Variants in ZNF804B observed in about 807,000 individuals in gnomAD.
ZNF804B encodes zinc finger 804B.
Under a neutral mutation model 101.4 loss-of-function variants are expected in ZNF804B, and 80 were observed. The observed-to-expected ratio is 0.79, with a 90% CI of 0.66 to 0.95. The LOEUF is 0.95. ZNF804B is among the 40% of genes least tolerant of loss of function. The probability of loss-of-function intolerance (pLI) is 0.00; values close to 1 mark genes in which losing one functional copy is unlikely to be tolerated. For missense variants in ZNF804B, 1,673 were observed against 1,561.9 expected, an observed-to-expected ratio of 1.07 and a Z score of -1.20; for synonymous variants, 622 against 558.8, an observed-to-expected ratio of 1.11 and a Z score of -1.59.
intron 1 of ZNF804B, among the ~76,000 whole-genome samples, chr7:89,043,449 AT>A (rs1246582146): frequency 6.6e-6 from 1 of 152,206 alleles, no homozygotes; most frequent in Non-Finnish European, 1.5e-5. Context: ...CAAACATCTA[AT>A]TTTTGTGAGT....
intron 1 of ZNF804B, among the ~76,000 whole-genome samples, chr7:89,045,351 C>T (rs1789089022): frequency 6.6e-6 from 1 of 152,178 alleles, no homozygotes; most frequent in South Asian, 2.1e-4. Flanking sequence ...GGGTTAGATC[C>T]CACACAGGGT....
chr7:88,903,135 A>T (rs1391330396), intron 1 of ZNF804B, among the ~76,000 whole-genome samples: 2 of 145,958 alleles, frequency 1.4e-5, no homozygotes, highest in East Asian at 4.2e-4. Flanking sequence ...GTGTTAATTG[A>T]TTCCATCTTT....
chr7:89,314,128 G>C (rs899313719), intron 2 of ZNF804B, among the ~76,000 whole-genome samples: 1 of 152,014 alleles, frequency 6.6e-6, no homozygotes, highest in African/African-American at 2.4e-5. Flanking sequence ...AGAAAACCCT[G>C]ATAACAAATC....
intron 1 of ZNF804B, among the ~76,000 whole-genome samples, chr7:89,001,952 TTTAAA>T (rs147678712): frequency 0.033 from 5,001 of 151,696 alleles, 282 homozygotes; most frequent in African/African-American, 0.11. Flanking sequence ...ATTAAAAATT[TTTAAA>T]TTAAATTAAA....
chr7:89,256,105 G>A (rs1489018711), intron 2 of ZNF804B, among the ~76,000 whole-genome samples: 3 of 152,120 alleles, frequency 2.0e-5, no homozygotes, highest in African/African-American at 7.2e-5. Flanking sequence ...AAATAATTTA[G>A]CATGGGTCTG....
chr7:89,287,099 A>C (rs546873675), intron 2 of ZNF804B, among the ~76,000 whole-genome samples: 1 of 152,258 alleles, frequency 6.6e-6, no homozygotes, highest in East Asian at 1.9e-4. Context: ...AATTTTCTTG[A>C]TAACAGTTTA....
intron 1 of ZNF804B, among the ~76,000 whole-genome samples, chr7:88,905,125 G>A (rs570282438): frequency 5.3e-5 from 8 of 152,128 alleles, no homozygotes; most frequent in African/African-American, 1.7e-4. Context: ...ATCTTCCTTT[G>A]ACACCTAGCC....
chr7:89,234,226 T>C (rs1479904705), intron 2 of ZNF804B, among the ~76,000 whole-genome samples: 1 of 152,110 alleles, frequency 6.6e-6, no homozygotes, highest in African/African-American at 2.4e-5. Flanking sequence ...TGTTAAATGA[T>C]CTGTTTCTTT....
At chr7:89,054,784 C>T (rs1307856131) in intron 1 of ZNF804B, among the ~76,000 whole-genome samples, 1 of 151,952 alleles carries the variant, frequency 6.6e-6, no homozygotes, top group Non-Finnish European at 1.5e-5. Flanking sequence ...ATTTCTAAGT[C>T]TCTGTCAACA....
intron 1 of ZNF804B, among the ~76,000 whole-genome samples, chr7:89,135,588 C>T (rs1204602272): frequency 6.6e-6 from 1 of 151,538 alleles, no homozygotes; most frequent in Non-Finnish European, 1.5e-5. Flanking sequence ...CTACACAAGC[C>T]ATTAGATGTG....
intron 1 of ZNF804B, among the ~76,000 whole-genome samples, chr7:88,920,438 T>A (rs1279936737): frequency 1.3e-5 from 2 of 152,110 alleles, no homozygotes; most frequent in Admixed American, 1.3e-4. Context: ...TATTTGTGAA[T>A]AATTTCTTCC....
chr7:89,136,654 T>C (rs1309518553), intron 1 of ZNF804B, among the ~76,000 whole-genome samples: 1 of 152,136 alleles, frequency 6.6e-6, no homozygotes, highest in East Asian at 1.9e-4. Context: ...TCACTTAGCA[T>C]AATGTTTTCA....
chr7:89,235,305 T>C (rs17167651), intron 2 of ZNF804B, among the ~76,000 whole-genome samples: 18,601 of 152,222 alleles, frequency 0.12, 1,225 homozygotes, highest in Middle Eastern at 0.25. Flanking sequence ...CAGATGCAGG[T>C]GTATATTGCA....
intron 2 of ZNF804B, among the ~76,000 whole-genome samples, chr7:89,308,916 C>T (rs1185116698): frequency 6.6e-6 from 1 of 152,296 alleles, no homozygotes; most frequent in Non-Finnish European, 1.5e-5. Flanking sequence ...TGACTCCTAC[C>T]TGTAACACAA....
At chr7:89,155,576 T>C (rs988372024) in intron 1 of ZNF804B, among the ~76,000 whole-genome samples, 4 of 152,176 alleles carry the variant, frequency 2.6e-5, no homozygotes, top group African/African-American at 4.8e-5. Context: ...TTTCATTGTT[T>C]TGGTCCATTT....
At chr7:88,937,066 T>G (rs970083878) in intron 1 of ZNF804B, among the ~76,000 whole-genome samples, 2 of 149,388 alleles carry the variant, frequency 1.3e-5, no homozygotes, top group African/African-American at 5.0e-5. Flanking sequence ...GAAATAGGCC[T>G]GCTTTCTGCC....
rs142403413 is a variant in ZNF804B at position 89,224,640 on chromosome 7, C to T, written c.249+6345C>T. Among the ~76,000 whole-genome samples the T allele has an allele frequency of 3.3e-5, 5 of 151,578 alleles. 1 individual carries two copies. In the East Asian group the frequency reaches 9.7e-4, roughly 29 times the overall value. Reference sequence around the variant, plus strand: ...AAGACTGGAGTGCCTGGAATGAATACCTTCAGTACCATAAAATAATACTCT... The same window carrying T: ...AAGACTGGAGTGCCTGGAATGAATATCTTCAGTACCATAAAATAATACTCT... On this transcript the variant is annotated intron_variant, in intron 2 of 3. Coordinates refer to ENST00000333190, the MANE Select transcript of ZNF804B (RefSeq NM_181646.5).
At chr7:88,791,221 C>T (rs1790377861) in intron 1 of ZNF804B, among the ~76,000 whole-genome samples, 2 of 151,962 alleles carry the variant, frequency 1.3e-5, no homozygotes, top group South Asian at 4.1e-4. Flanking sequence ...TATTCAACTG[C>T]CAAAGGGTCC....
intron 1 of ZNF804B, among the ~76,000 whole-genome samples, chr7:89,118,222 G>A (rs1023881636): frequency 1.3e-5 from 2 of 152,054 alleles, no homozygotes; most frequent in Non-Finnish European, 2.9e-5. Flanking sequence ...CCATTTTAAA[G>A]TTAAAATAAC....
Sources: gnomAD v4.1 joint callset for allele counts (sites outside exome capture counted in the v4.1 genomes callset) on GRCh38, gnomAD v4.1.1 for gene constraint, MANE v1.5 for transcripts, NCBI Gene and HGNC (gene_info 2026-07-23, HGNC 2026-07-21) for gene names.